Variants in ACTL6B observed in about 807,000 individuals in gnomAD.
The protein encoded by ACTL6B is actin like 6B, also known as actin-like protein 6B.
In ACTL6B, 48 loss-of-function variants were observed where a neutral mutation model predicts 63.3. The ratio of observed to expected loss-of-function variants is 0.76; its 90% CI spans 0.60 to 0.96. The LOEUF (loss-of-function observed/expected upper bound fraction) is 0.96, where lower values mean the gene tolerates loss of function less well. Among genes scored for constraint, ACTL6B ranks in the 50% least tolerant of loss-of-function variants. The pLI is 0.00. For synonymous variants in ACTL6B, 230 were observed against 223.8 expected (o/e 1.03, Z -0.25); for missense variants, 350 against 572.2 (o/e 0.61, Z 3.96).
chr7:100,649,326 T>G (rs1803886898), intron 5 of ACTL6B, among the ~76,000 whole-genome samples: 1 of 151,148 alleles, frequency 6.6e-6, no homozygotes, highest in Non-Finnish European at 1.5e-5. Context: ...TTTTTTTTTT[T>G]GAAACTGAGT....
chr7:100,654,602 G>A (rs1014076987), intron 4 of ACTL6B, among the ~76,000 whole-genome samples: 2 of 151,562 alleles, frequency 1.3e-5, no homozygotes, highest in African/African-American at 2.4e-5. Flanking sequence ...CCAACAAGGC[G>A]AAACCCCCTG....
chr7:100,654,019 C>T (rs923466751), intron 4 of ACTL6B, among the ~76,000 whole-genome samples: 4 of 151,668 alleles, frequency 2.6e-5, no homozygotes, highest in African/African-American at 9.7e-5. Context: ...GTTGCCCAGG[C>T]TGGAGTGCAG....
In ACTL6B at chr7:100,647,266, G is replaced by C; in HGVS notation, c.778C>G (p.Gln260Glu). 2.5e-6 allele frequency: 4 copies of C among 1,613,342 alleles called. No homozygotes were observed. The highest frequency in any genetic ancestry group is 3.4e-6 in the Non-Finnish European group (4 of 1,179,958). The change falls in exon 9 of 14, where the codon CAG becomes GAG. Residue 260 changes from glutamine to glutamate, a missense_variant. By Grantham distance (29) the Gln-to-Glu change is conservative (BLOSUM62 2). Coordinates refer to ENST00000160382, the MANE Select transcript of ACTL6B (RefSeq NM_016188.5). This position sits in a 1 kb window ranked among gnomAD's most constrained non-coding sequence, Gnocchi z 4.4. ...YMCNEVIQDFQASVLQVSDSP... is the reference protein window; with the variant it reads ...YMCNEVIQDFEASVLQVSDSP... ...TCTGAGACCTGCAGCACGGAGGCCT[G>C]GAAGTCCTGGATCACCTCCTGAAAT...
intron 13 of ACTL6B, among the ~76,000 whole-genome samples, chr7:100,644,835 C>G (rs1803792260): frequency 6.6e-6 from 1 of 152,052 alleles, no homozygotes; most frequent in Non-Finnish European, 1.5e-5. Context: ...ATGGGCAGAT[C>G]ACTTGAGGTC....
rs761739854 is a variant in ACTL6B at position 100,655,140 on chromosome 7, T to G, written c.269-21A>C. ...CTCGACTGGGGCCAGAAGAGCAGCG[T>G]GCAGAGACGCAAGAAGGCAGGCAGG... On this transcript the variant is annotated intron_variant, in intron 3 of 13. Coordinates refer to ENST00000160382, the MANE Select transcript of ACTL6B (RefSeq NM_016188.5). This position sits in a 1 kb window ranked among gnomAD's most constrained non-coding sequence, Gnocchi z 4.4. 3 of 1,597,450 alleles carry G rather than the reference T, an allele frequency of 1.9e-6. No individual in the cohort carries two copies. Among genetic ancestry groups the G allele is most frequent in the African/African-American group, 2.7e-5 (2 of 74,420 alleles).
chr7:100,648,395 C>A lies in ACTL6B; in HGVS notation c.669+161G>T. On this transcript the variant is annotated intron_variant, in intron 7 of 13. Coordinates refer to ENST00000160382, the MANE Select transcript of ACTL6B (RefSeq NM_016188.5). This position sits in a 1 kb window ranked among gnomAD's most constrained non-coding sequence, Gnocchi z 4.4. ...GACCTCAGCATATCCCTCAGCCTGTCTGGATTTCGGATGCCTCGATTATAA... is the reference window on the plus strand; with the variant it reads ...GACCTCAGCATATCCCTCAGCCTGTATGGATTTCGGATGCCTCGATTATAA... 2 of 633,130 alleles carry A rather than the reference C, an allele frequency of 3.2e-6. No homozygotes were observed. Among genetic ancestry groups the A allele is most frequent in the South Asian group, 2.1e-5 (1 of 46,804 alleles). The allele number at this position is 633,130 out of a possible 1,614,324, so 39.2% of individuals were successfully genotyped here.
chr7:100,647,700 G>A lies in ACTL6B; in HGVS notation c.670-167C>T. 1.7e-6 allele frequency: 1 copy of A among 585,062 alleles called. No individual in the cohort carries two copies. The highest frequency in any genetic ancestry group is 3.0e-6 in the Non-Finnish European group (1 of 330,388). 36.2% of individuals were successfully genotyped at this position (585,062 alleles called of 1,614,324 possible). On this transcript the variant is annotated intron_variant, in intron 7 of 13. Transcript: ENST00000160382. This position sits in a 1 kb window ranked among gnomAD's most constrained non-coding sequence, Gnocchi z 4.4. ...CCTGATGGAGAGGAGAGAGAATGGG[G>A]CATGCCTCTCTCTCCATGTGTGCCT...
In ACTL6B at chr7:100,646,668, G is replaced by A. The variant is rs1394835238; in HGVS notation, c.1018-22C>T. On this transcript the variant is annotated intron_variant, in intron 11 of 13. Transcript: ENST00000160382. The surrounding 1 kb of genome is among the most constrained non-coding windows in gnomAD (Gnocchi z 6.1). ...GGCCCTGAGAGCAGGGAGAAGGAGT[G>A]AGCTGCGGGGGCAGCCCCCCAACCC... The A allele has an allele frequency of 2.2e-5, 36 of 1,613,622 alleles. No individual in the cohort carries two copies. Among genetic ancestry groups the A allele is most frequent in the Non-Finnish European group, 2.8e-5 (33 of 1,179,820 alleles).
Position 100,643,185 on chromosome 7 carries a change from G to T in ACTL6B, c.*61C>A. 1.4e-6 allele frequency: 2 copies of T among 1,478,132 alleles called. No individual in the cohort carries two copies. Among genetic ancestry groups the T allele is most frequent in the South Asian group, 1.1e-5 (1 of 88,178 alleles). The allele number at this position is 1,478,132 out of a possible 1,614,324, so 91.6% of individuals were successfully genotyped here. On this transcript the variant is annotated 3_prime_UTR_variant, in exon 14 of 14. Transcript: ENST00000160382. ...AGGGAAAGGAGGAGGGGGGCAATGT[G>T]GCATGGGGGTTAAGGGACTTCCATC...
At chr7:100,654,048 C>G (rs1803991621) in intron 4 of ACTL6B, among the ~76,000 whole-genome samples, 1 of 151,802 alleles carries the variant, frequency 6.6e-6, no homozygotes, top group African/African-American at 2.4e-5. Context: ...TCTCAGCTCA[C>G]TGCAAGCTCC....
At chr7:100,643,411 C>T (rs1456287205) in intron 13 of ACTL6B, 85 bp from the exon 14 acceptor site, 7 of 1,411,024 alleles carry the variant, frequency 5.0e-6, no homozygotes, top group East Asian at 2.3e-5. Flanking sequence ...AATCCTCCAA[C>T]AGGCCCCAAC....
rs1459729290 is a variant in ACTL6B, at chr7:100,655,918, A to G, written c.26-39T>C. 3 of 1,541,706 alleles carry G rather than the reference A, an allele frequency of 1.9e-6. No homozygotes were observed. Among genetic ancestry groups the G allele is most frequent in the Admixed American group, 2.0e-5 (1 of 49,404 alleles). ...CAGGCCTGTAAGGGGACCTCCCCCG[A>G]ACTCTCTCCCGCTAGGTAGCTCCGA... is the stretch of plus-strand genomic sequence containing the variant. On this transcript the variant is annotated intron_variant, in intron 1 of 13. Coordinates refer to ENST00000160382, the MANE Select transcript of ACTL6B (RefSeq NM_016188.5). The surrounding 1 kb of genome is among the most constrained non-coding windows in gnomAD (Gnocchi z 4.4).
At chr7:100,651,758 AT>A (rs1803945264) in intron 4 of ACTL6B, among the ~76,000 whole-genome samples, 1 of 151,342 alleles carries the variant, frequency 6.6e-6, no homozygotes, top group African/African-American at 2.4e-5. Flanking sequence ...TAATTTTTAT[AT>A]TTTTGGTAGA....
Position 100,656,376 on chromosome 7 carries a change from G to A in ACTL6B, c.-22C>T. 2.3e-6 allele frequency: 3 copies of A among 1,323,622 alleles called. No homozygotes were observed. Among genetic ancestry groups the A allele is most frequent in the Non-Finnish European group, 2.9e-6 (3 of 1,032,502 alleles). The allele number at this position is 1,323,622 out of a possible 1,614,324, so 82.0% of individuals were successfully genotyped here. A position where few individuals can be genotyped will look rare whatever the true frequency, so the allele number is the denominator to read the frequency against. On this transcript the variant is annotated 5_prime_UTR_variant, in exon 1 of 14. Transcript: ENST00000160382. ...TCATAGTGCCCGCTGCGCTGCTAGCGGCCCGTGGGCGGTGGCGGGATCAGC... is the reference window on the plus strand; with the variant it reads ...TCATAGTGCCCGCTGCGCTGCTAGCAGCCCGTGGGCGGTGGCGGGATCAGC...
chr7:100,653,492 ATT>A (rs1225472056), intron 4 of ACTL6B, among the ~76,000 whole-genome samples: 1 of 152,112 alleles, frequency 6.6e-6, no homozygotes, highest in Non-Finnish European at 1.5e-5. Flanking sequence ...TCTAAAAAAA[ATT>A]TAAAAATCAG....
At position 100,647,583 on chromosome 7, in the gene ACTL6B, A is replaced by T; in HGVS notation, c.670-50T>A. Reference sequence around the variant, plus strand: ...CCCTTTCCTAGCCCACCTGACCCCCACCCCCACCTTCCTGGCACTGTTCCC... The same window carrying T: ...CCCTTTCCTAGCCCACCTGACCCCCTCCCCCACCTTCCTGGCACTGTTCCC... On this transcript the variant is annotated intron_variant, in intron 7 of 13. Transcript: ENST00000160382. This position sits in a 1 kb window ranked among gnomAD's most constrained non-coding sequence, Gnocchi z 4.4. 7.4e-7 allele frequency: 1 copy of T among 1,354,652 alleles called. No homozygotes were observed. Among genetic ancestry groups the T allele is most frequent in the Non-Finnish European group, 1.0e-6 (1 of 985,888 alleles). The allele number at this position is 1,354,652 out of a possible 1,614,324, so 83.9% of individuals were successfully genotyped here.
At position 100,646,941 on chromosome 7, in the gene ACTL6B, C is replaced by T; in HGVS notation, c.936+30G>A. On this transcript the variant is annotated intron_variant, in intron 10 of 13. Coordinates refer to ENST00000160382, the MANE Select transcript of ACTL6B (RefSeq NM_016188.5). The surrounding 1 kb of genome is among the most constrained non-coding windows in gnomAD (Gnocchi z 6.1). ...CAGGATCCAGGGACTGCAGCCAGCA[C>T]CCACCCCAGTCCTCGCCACACAGCC... 1 of 1,610,918 alleles carries T rather than the reference C, an allele frequency of 6.2e-7. No individual in the cohort carries two copies.
Position 100,647,446 on chromosome 7 carries a change from T to G in ACTL6B, c.757A>C (p.Asn253His). The G allele has an allele frequency of 3.1e-6, 5 of 1,612,884 alleles. No individual in the cohort carries two copies. The highest frequency in any genetic ancestry group is 4.2e-6 in the Non-Finnish European group (5 of 1,179,408). Residue 253 changes from asparagine (N) to histidine (H), a missense_variant and splice_region_variant, in exon 8 of 14, where the codon AAT becomes CAT. Around this residue, in one of 3 missense-constraint regions of ACTL6B, gnomAD observed 250 missense variants for 364.7 expected, o/e 0.69. Coordinates refer to ENST00000160382, the MANE Select transcript of ACTL6B (RefSeq NM_016188.5). The surrounding 1 kb of genome is among the most constrained non-coding windows in gnomAD (Gnocchi z 4.4). ...VSKSWHNYMC[N>H]EVIQDFQASV... is the part of the protein sequence containing the mutation. The stretch of plus-strand genomic sequence containing the variant: ...GGTGGCCCTCTCCAGAGGCTCACAT[T>G]ACACATGTAGTTATGCCAGGACTTG...
chr7:100,656,234 G>A, intron 1 of ACTL6B, 96 bp downstream of exon 1: 1 of 1,297,594 alleles, frequency 7.7e-7, no homozygotes, highest in Admixed American at 3.6e-5. Flanking sequence ...CCGCTCGTGC[G>A]CGGAGGTGAC....
Sources: allele counts gnomAD v4.1 joint callset (sites outside exome capture counted in the v4.1 genomes callset), GRCh38; gene constraint gnomAD v4.1.1; regional missense constraint gnomAD v4.1.1; non-coding constraint Gnocchi (gnomAD v3.1); transcripts MANE v1.5; gene names NCBI Gene and HGNC (gene_info 2026-07-23, HGNC 2026-07-21).